The following GPC2 variants were observed in gnomAD, a reference collection of about 807,000 sequenced individuals.
The protein encoded by GPC2 is glypican 2.
Under a neutral mutation model 57.3 loss-of-function variants are expected in GPC2, and 42 were observed. The observed-to-expected ratio is 0.73, with a 90% CI of 0.57 to 0.95. The LOEUF is 0.95. GPC2 is among the 40% of genes least tolerant of loss of function. The pLI, the probability that GPC2 is intolerant of heterozygous loss-of-function variation, is 0.00. For missense variants in GPC2, 745 were observed against 793.6 expected (o/e 0.94, Z 0.74); for synonymous variants, 364 against 343.4 (o/e 1.06, Z -0.66).
chr7:100,171,666 G>T lies in GPC2; in HGVS notation c.1183C>A (p.Arg395Ser). 1 of 1,504,930 alleles carries T rather than the reference G, an allele frequency of 6.6e-7. No homozygotes were observed. The highest frequency in any genetic ancestry group is 8.8e-7 in the Non-Finnish European group (1 of 1,137,190). The allele number at this position is 1,504,930 out of a possible 1,614,324, so 93.2% of individuals were successfully genotyped here. A position where few individuals can be genotyped will look rare whatever the true frequency, so the allele number is the denominator to read the frequency against. ...CCCCGCATCCGGGCCAGACGCTCGCGGAGCTCCCACACCTGGGCGGGCGAG... is the reference window on the plus strand; with the variant it reads ...CCCCGCATCCGGGCCAGACGCTCGCTGAGCTCCCACACCTGGGCGGGCGAG... The part of the protein sequence containing the change: ...TNLHRLVWEL[R>S]ERLARMRGFW... The change falls in exon 8 of 10, where the codon CGC becomes AGC. Residue 395 changes from arginine to serine, a missense_variant. Physicochemically the swap from Arg to Ser is moderately radical, Grantham distance 110. Around this residue, in one of 2 missense-constraint regions of GPC2, gnomAD observed 607 missense variants for 603.9 expected, o/e 1.01. Transcript: ENST00000292377. This position sits in a 1 kb window ranked among gnomAD's most constrained non-coding sequence, Gnocchi z 4.8.
chr7:100,171,961 TG>T lies in GPC2; in HGVS notation c.1024-37del. 6.5e-7 allele frequency: 1 copy of T among 1,544,786 alleles called. No individual in the cohort carries two copies. Among genetic ancestry groups the T allele is most frequent in the Non-Finnish European group, 8.7e-7 (1 of 1,147,360 alleles). On this transcript the variant is annotated intron_variant, in intron 6 of 9. Coordinates refer to ENST00000292377, the MANE Select transcript of GPC2 (RefSeq NM_152742.3). This position sits in a 1 kb window ranked among gnomAD's most constrained non-coding sequence, Gnocchi z 4.8. ...GGGAAGAGACCTCACACAGTCACCCTGGGGGGAAACCACACTGCGTCCCCAC... is the reference window on the plus strand; with the variant it reads ...GGGAAGAGACCTCACACAGTCACCCTGGGGGAAACCACACTGCGTCCCCAC...
chr7:100,173,666 CTT>C (rs1368562389), intron 5 of GPC2, 167 bp downstream of exon 5: 5 of 436,564 alleles, frequency 1.1e-5, no homozygotes, highest in Admixed American at 3.7e-5. Context: ...CTCTCTCTCT[CTT>C]TCTTTCTCTC....
chr7:100,174,751 C>T lies in GPC2; in HGVS notation c.663G>A (p.Leu221=). Residue 221 remains leucine (L), a synonymous_variant, in exon 4 of 10, where the codon CTG becomes CTA. Coordinates refer to ENST00000292377, the MANE Select transcript of GPC2 (RefSeq NM_152742.3). ...RRLRLQITRT[L]VAARAFVQGL... ...CCTGCACAAAGGCTCGGGCAGCCAC[C>T]AGGGTCCGGGTTATCTGGGAGAAGG... is the stretch of plus-strand genomic sequence containing the variant. The T allele has an allele frequency of 2.5e-6, 4 of 1,614,046 alleles. No individual in the cohort carries two copies. Among genetic ancestry groups the T allele is most frequent in the Non-Finnish European group, 3.4e-6 (4 of 1,179,950 alleles).
In GPC2 at chr7:100,171,084, C is replaced by G. The variant is rs1799167907; in HGVS notation, c.1486+177G>C. On this transcript the variant is annotated intron_variant, in intron 9 of 9. Transcript: ENST00000292377. The surrounding 1 kb of genome is among the most constrained non-coding windows in gnomAD (Gnocchi z 4.8). ...TACTGGCCTGAAAGGATACAGACCC[C>G]CTCATTGATCTGTTACCCCCAGTCT... 1 of 560,826 alleles carries G rather than the reference C, an allele frequency of 1.8e-6. No homozygotes were observed. Among genetic ancestry groups the G allele is most frequent in the African/African-American group, 2.0e-5 (1 of 50,034 alleles). 34.7% of individuals were successfully genotyped at this position (560,826 alleles called of 1,614,324 possible). A position where few individuals can be genotyped will look rare whatever the true frequency, so the allele number is the denominator to read the frequency against.
intron 5 of GPC2, among the ~76,000 whole-genome samples, chr7:100,172,719 ACACG>A (rs1461734987): frequency 3.5e-5 from 5 of 143,952 alleles, no homozygotes; most frequent in African/African-American, 1.1e-4. Context: ...ATGTATATAT[ACACG>A]TATATATATG....
Position 100,171,963 on chromosome 7 carries a change from G to A in GPC2, c.1024-38C>T. On this transcript the variant is annotated intron_variant, in intron 6 of 9. Transcript: ENST00000292377. This position sits in a 1 kb window ranked among gnomAD's most constrained non-coding sequence, Gnocchi z 4.8. ...GAAGAGACCTCACACAGTCACCCTG[G>A]GGGGAAACCACACTGCGTCCCCACT... 4 of 1,544,542 alleles carry A rather than the reference G, an allele frequency of 2.6e-6. No homozygotes were observed. Among genetic ancestry groups the A allele is most frequent in the African/African-American group, 1.4e-5 (1 of 73,548 alleles).
At position 100,171,709 on chromosome 7, in the gene GPC2, G is replaced by A. The variant is rs1331687607; in HGVS notation, c.1171-31C>T. 2.0e-6 allele frequency: 3 copies of A among 1,478,430 alleles called. No homozygotes were observed. The highest frequency in any genetic ancestry group is 2.7e-6 in the Non-Finnish European group (3 of 1,123,876). The allele number at this position is 1,478,430 out of a possible 1,614,324, so 91.6% of individuals were successfully genotyped here. A position where few individuals can be genotyped will look rare whatever the true frequency, so the allele number is the denominator to read the frequency against. Reference sequence around the variant, plus strand: ...CGGGCGAGAGGGGGCGGGGCGAGCTGGAGCGCGACCCCCACAACCATCCCC... The same window carrying A: ...CGGGCGAGAGGGGGCGGGGCGAGCTAGAGCGCGACCCCCACAACCATCCCC... On this transcript the variant is annotated intron_variant, in intron 7 of 9. Coordinates refer to ENST00000292377, the MANE Select transcript of GPC2 (RefSeq NM_152742.3). This position sits in a 1 kb window ranked among gnomAD's most constrained non-coding sequence, Gnocchi z 4.8.
At chr7:100,176,931 T>C in intron 1 of GPC2, 103 bp downstream of exon 1, 1 of 831,208 alleles carries the variant, frequency 1.2e-6, no homozygotes, top group South Asian at 2.1e-5. Context: ...ATGAAAAGAT[T>C]AGTATAACGG....
chr7:100,176,269 A>C lies in GPC2; in HGVS notation c.263T>G (p.Leu88Arg), dbSNP rs1216549695. ...IRETEATFRG[L>R]VEDSGSFLVH... ...CAGAAAGGAGCCGCTGTCCTCCACC[A>C]GGCCTCGGAAGGTGGCCTCAGTCTC... The change falls in exon 2 of 10, where the codon CTG becomes CGG. Residue 88 changes from leucine (L) to arginine (R), a missense_variant. Physicochemically the swap from Leu to Arg is moderately radical, Grantham distance 102. This residue lies in a region of GPC2 where 138 missense variants were observed against 189.8 expected (regional missense o/e 0.73). Coordinates refer to ENST00000292377, the MANE Select transcript of GPC2 (RefSeq NM_152742.3). The C allele has an allele frequency of 5.6e-6, 9 of 1,613,896 alleles. No homozygotes were observed.
rs769842519 is a variant in GPC2, at chr7:100,171,581, G to T, written c.1268C>A (p.Ser423Ter). 9 of 1,507,790 alleles carry T rather than the reference G, an allele frequency of 6.0e-6. No homozygotes were observed. The Admixed American group carries it at 1.3e-4, about 22-fold the overall frequency. The allele number at this position is 1,507,790 out of a possible 1,614,324, so 93.4% of individuals were successfully genotyped here. The change falls in exon 8 of 10, where the codon TCG (serine) becomes TAG (stop). Residue 423 changes from serine to a stop codon, truncating the protein, a stop_gained. Transcript: ENST00000292377. LOFTEE classifies it high-confidence loss of function. The surrounding 1 kb of genome is among the most constrained non-coding windows in gnomAD (Gnocchi z 4.8). ...GGTCCAGCAGGGCGCCGCCTCCAGC[G>T]AGGCGTCCGCTGCCATGCGAGAGTC... ...CGDSRMAADA[S>*]LEAAPCWTGA...
intron 5 of GPC2, 40 bp downstream of exon 5, chr7:100,173,795 G>A (rs748894272): frequency 1.4e-6 from 2 of 1,475,274 alleles, no homozygotes; most frequent in Non-Finnish European, 9.0e-7. Flanking sequence ...ACAGGTGTGA[G>A]CCACCATGCC....
In GPC2 at chr7:100,173,889, C is replaced by T. The variant is rs140322978; in HGVS notation, c.838G>A (p.Val280Ile). ...MPCQGFCLNV[V>I]RGCLSSRGLE... ...CCCCTGCTGCTGAGACAGCCACGAA[C>T]CACGTTGAGGCAGAAGCCCTGGCAG... The change falls in exon 5 of 10, where the codon GTT (valine) becomes ATT (isoleucine). Residue 280 changes from valine (V) to isoleucine (I), a missense_variant. Val to Ile is a conservative substitution (Grantham distance 29, BLOSUM62 3). This residue lies in a region of GPC2 where 607 missense variants were observed against 603.9 expected (regional missense o/e 1.01). Transcript: ENST00000292377. 2 of 1,604,028 alleles carry T rather than the reference C, an allele frequency of 1.2e-6. No individual in the cohort carries two copies. Among genetic ancestry groups the T allele is most frequent in the East Asian group, 2.3e-5 (1 of 43,518 alleles).
At position 100,176,730 on chromosome 7, in the gene GPC2, T is replaced by A. The variant is rs532455601; in HGVS notation, c.166+304A>T. Among the ~76,000 whole-genome samples the A allele has an allele frequency of 7.3e-3, 1,109 of 152,124 alleles. 14 individuals are homozygous for A. The highest frequency in any genetic ancestry group is 0.014 in the Middle Eastern group (4 of 294). ...TGGGGTTACTTGGTGAGCAATAAAG[T>A]ATTCTCATAGAAGGGGCTAATAGAA... On this transcript the variant is annotated intron_variant, in intron 1 of 9. Coordinates refer to ENST00000292377, the MANE Select transcript of GPC2 (RefSeq NM_152742.3).
chr7:100,171,324 G>A lies in GPC2; in HGVS notation c.1423C>T (p.Arg475Trp), dbSNP rs751151658. ...GTTTTCATTCTGGCCGTGGCCGCCC[G>A]GAGCTGTAGCCGACGCCGCCGTGTC... is the stretch of plus-strand genomic sequence containing the variant. ...VPTRRRRLQL[R>W]AATARMKTAA... Residue 475 changes from arginine (R) to tryptophan (W), a missense_variant, in exon 9 of 10, where the codon CGG (arginine) becomes TGG (tryptophan). Arg to Trp is a moderately radical substitution (Grantham distance 101). Coordinates refer to ENST00000292377, the MANE Select transcript of GPC2 (RefSeq NM_152742.3). This position sits in a 1 kb window ranked among gnomAD's most constrained non-coding sequence, Gnocchi z 4.8. The A allele has an allele frequency of 1.9e-6, 3 of 1,540,120 alleles. No homozygotes were observed. Among genetic ancestry groups the A allele is most frequent in the African/African-American group, 2.8e-5 (2 of 71,474 alleles).
chr7:100,175,875 G>A lies in GPC2; in HGVS notation c.345C>T (p.Leu115=), dbSNP rs1458807818. ...RKFDEFFLEM[L]SVAQHSLTQL... is the part of the protein sequence containing the mutation. ...GGGTCAGAGAGTGCTGGGCTACTGAGAGCATCTCCAGAAAAAACTCTGCAG... is the reference window on the plus strand; with the variant it reads ...GGGTCAGAGAGTGCTGGGCTACTGAAAGCATCTCCAGAAAAAACTCTGCAG... The change falls in exon 3 of 10, where the codon CTC becomes CTT. Residue 115 remains leucine, a synonymous_variant. Coordinates refer to ENST00000292377, the MANE Select transcript of GPC2 (RefSeq NM_152742.3). 2 of 1,613,518 alleles carry A rather than the reference G, an allele frequency of 1.2e-6. No individual in the cohort carries two copies. Among genetic ancestry groups the A allele is most frequent in the Non-Finnish European group, 1.7e-6 (2 of 1,179,542 alleles).
intron 1 of GPC2, 22 bp downstream of exon 1, chr7:100,177,012 T>C: frequency 2.4e-6 from 1 of 410,012 alleles, no homozygotes; most frequent in Non-Finnish European, 4.7e-6. Context: ...CCCAATTCTC[T>C]AGTCTTCCTC....
rs755678434 is a variant in GPC2 at position 100,171,460 on chromosome 7, C to A, written c.1311-24G>T. 5 of 1,358,814 alleles carry A rather than the reference C, an allele frequency of 3.7e-6. No homozygotes were observed. Among genetic ancestry groups the A allele is most frequent in the Non-Finnish European group, 4.7e-6 (5 of 1,060,454 alleles). 84.2% of individuals were successfully genotyped at this position (1,358,814 alleles called of 1,614,324 possible). A position where few individuals can be genotyped will look rare whatever the true frequency, so the allele number is the denominator to read the frequency against. ...ACCTGCGAGCAGAGCAGCCCCGAAGCGCCAGCTAGCGCGCGCGGCCCCGCC... is the reference window on the plus strand; with the variant it reads ...ACCTGCGAGCAGAGCAGCCCCGAAGAGCCAGCTAGCGCGCGCGGCCCCGCC... On this transcript the variant is annotated intron_variant, in intron 8 of 9. Coordinates refer to ENST00000292377, the MANE Select transcript of GPC2 (RefSeq NM_152742.3). The surrounding 1 kb of genome is among the most constrained non-coding windows in gnomAD (Gnocchi z 4.8).
Position 100,174,695 on chromosome 7 carries a change from TC to T in GPC2, c.718del (p.Glu240LysfsTer15). On this transcript the variant is annotated frameshift_variant, in exon 4 of 10. Transcript: ENST00000292377. LOFTEE classifies it high-confidence loss of function. ...GLETGRNVVS[E>X]ALKVPVSEGC... is the part of the protein sequence containing the mutation. ...CAGGCACCCTCCAACCTTAAGCGCT[TC>T]GCTGACCACATTTCTTCCAGTCTCC... The T allele has an allele frequency of 6.2e-7, 1 of 1,612,360 alleles. No homozygotes were observed. The highest frequency in any genetic ancestry group is 8.5e-7 in the Non-Finnish European group (1 of 1,178,532).
chr7:100,170,102 G>A lies in GPC2; in HGVS notation c.*128C>T. 1 of 968,416 alleles carries A rather than the reference G, an allele frequency of 1.0e-6. No homozygotes were observed. Among genetic ancestry groups the A allele is most frequent in the Non-Finnish European group, 1.4e-6 (1 of 698,352 alleles). The allele number at this position is 968,416 out of a possible 1,614,324, so 60.0% of individuals were successfully genotyped here. On this transcript the variant is annotated 3_prime_UTR_variant, in exon 10 of 10. Transcript: ENST00000292377. ...AAAATCTCCTGGATTTGGGGCCCCA[G>A]CCATTCACCTGCAAAGTCCCTTCTC...
Sources: gnomAD v4.1 joint callset for allele counts (sites outside exome capture counted in the v4.1 genomes callset) on GRCh38, gnomAD v4.1.1 for gene constraint, gnomAD v4.1.1 regional missense constraint, Gnocchi (gnomAD v3.1) non-coding constraint, MANE v1.5 for transcripts, NCBI Gene and HGNC (gene_info 2026-07-23, HGNC 2026-07-21) for gene names.